Variants in EFL1 observed in about 807,000 individuals in gnomAD.
EFL1 encodes the protein elongation factor-like GTPase 1.
In EFL1, 76 loss-of-function variants were observed where a neutral mutation model predicts 126.7. That is an observed-to-expected ratio of 0.60 (90% CI 0.50 to 0.73). The LOEUF is 0.73. Among genes scored for constraint, EFL1 ranks in the 30% least tolerant of loss-of-function variants. The probability of loss-of-function intolerance (pLI) is 0.00; values close to 1 mark genes in which losing one functional copy is unlikely to be tolerated. For synonymous variants in EFL1, 410 were observed against 448.4 expected (o/e 0.91, Z 1.08); for missense variants, 1,128 against 1,343.2 (o/e 0.84, Z 2.50).
At chr15:82,138,575 G>A (rs1249974693) in intron 19 of EFL1, 83 bp downstream of exon 19, 3 of 1,506,728 alleles carry the variant, frequency 2.0e-6, no homozygotes, top group Non-Finnish European at 2.7e-6. Flanking sequence ...CATGATCTGT[G>A]TTGTTTGCTA....
chr15:82,228,729 A>C (rs1260771763), intron 9 of EFL1, among the ~76,000 whole-genome samples: 1 of 152,214 alleles, frequency 6.6e-6, no homozygotes, highest in Middle Eastern at 3.2e-3. Flanking sequence ...CACCTTTTCT[A>C]CTTTAATAAC....
chr15:82,251,074 C>A (rs139360587), intron 4 of EFL1, among the ~76,000 whole-genome samples: 2,732 of 152,030 alleles, frequency 0.018, 29 homozygotes, highest in Non-Finnish European at 0.026. Flanking sequence ...TAGCCGGGCA[C>A]GGTGGCATGC....
rs762724016 is a variant in EFL1, at chr15:82,151,613, T to A, written c.2841A>T (p.Glu947Asp). 1.7e-5 allele frequency: 28 copies of A among 1,614,028 alleles called. No individual in the cohort carries two copies. In the Admixed American group the frequency reaches 2.2e-4, roughly 12 times the overall value. Residue 947 changes from glutamate to aspartate, a missense_variant, in exon 18 of 20, where the codon GAA becomes GAT. This residue lies in a region of EFL1 where 561 missense variants were observed against 641.7 expected (regional missense o/e 0.87). Coordinates refer to ENST00000268206, the MANE Select transcript of EFL1 (RefSeq NM_024580.6). ...GTCCATAGCAGTCAGTGAGTGGAGATTCTCCTTTCTGTGATGTCCTCTTCT... is the reference window on the plus strand; with the variant it reads ...GTCCATAGCAGTCAGTGAGTGGAGAATCTCCTTTCTGTGATGTCCTCTTCT... ...AFEKRTSQKG[E>D]SPLTDCYGPF...
At chr15:82,181,988 G>A (rs370393388) in intron 15 of EFL1, among the ~76,000 whole-genome samples, 12 of 152,286 alleles carry the variant, frequency 7.9e-5, no homozygotes, top group African/African-American at 2.4e-4. Context: ...GGCTGGGCAC[G>A]GTGGCTCACG....
chr15:82,162,554 T>C (rs577381136), intron 16 of EFL1, among the ~76,000 whole-genome samples: 16 of 152,306 alleles, frequency 1.1e-4, no homozygotes, highest in South Asian at 4.1e-4. Flanking sequence ...GGCCAGGATC[T>C]GAACAAGCCT....
chr15:82,223,264 G>A (rs2074729999), intron 12 of EFL1, among the ~76,000 whole-genome samples: 1 of 150,158 alleles, frequency 6.7e-6, no homozygotes. Context: ...AAACTTAAAT[G>A]AAAAAAAAAA....
At chr15:82,150,344 GCCT>G (rs1171881937) in intron 18 of EFL1, among the ~76,000 whole-genome samples, 1 of 152,262 alleles carries the variant, frequency 6.6e-6, no homozygotes, top group East Asian at 1.9e-4. Context: ...GACTCAAAGG[GCCT>G]CAGGGTTAGA....
At chr15:82,189,868 C>T (rs928692504) in intron 15 of EFL1, among the ~76,000 whole-genome samples, 1 of 152,144 alleles carries the variant, frequency 6.6e-6, no homozygotes, top group Non-Finnish European at 1.5e-5. Flanking sequence ...GTAATCCCAG[C>T]ACTTTGGTAG....
chr15:82,241,530 G>T, intron 4 of EFL1, 127 bp from the exon 5 acceptor site: 1 of 1,180,416 alleles, frequency 8.5e-7, no homozygotes, highest in Non-Finnish European at 1.2e-6. Flanking sequence ...GGAGTTGAAA[G>T]CTCAATCCAG....
intron 15 of EFL1, among the ~76,000 whole-genome samples, chr15:82,211,595 G>GACACACACACACACACACAC (rs10543301): frequency 0.011 from 1,168 of 105,766 alleles, 78 homozygotes; most frequent in African/African-American, 0.043. Context: ...ACACATACTA[G>GACACACACACACACACACAC]ACACACACAC....
chr15:82,261,970 A>C (rs1356373851), intron 1 of EFL1, 173 bp from the exon 2 acceptor site: 1 of 553,422 alleles, frequency 1.8e-6, no homozygotes, highest in Non-Finnish European at 3.2e-6. Context: ...TTCGAGCACT[A>C]AAGTCAGTAT....
intron 18 of EFL1, among the ~76,000 whole-genome samples, chr15:82,149,399 T>A (rs2073884301): frequency 2.0e-5 from 3 of 152,096 alleles, no homozygotes; most frequent in South Asian, 4.1e-4. Context: ...TAACTTTGTT[T>A]TGAAAAAAAA....
chr15:82,247,919 T>A (rs2074988152), intron 4 of EFL1, among the ~76,000 whole-genome samples: 1 of 151,926 alleles, frequency 6.6e-6, no homozygotes, highest in African/African-American at 2.4e-5. Context: ...CAATCCCTAG[T>A]GGAAAGGAGA....
At chr15:82,216,832 C>T (rs2074652485) in intron 14 of EFL1, among the ~76,000 whole-genome samples, 1 of 152,124 alleles carries the variant, frequency 6.6e-6, no homozygotes, top group African/African-American at 2.4e-5. Context: ...AATTCGAGTA[C>T]ATTTACATTA....
At chr15:82,178,238 G>A (rs2074214830) in intron 15 of EFL1, among the ~76,000 whole-genome samples, 1 of 152,188 alleles carries the variant, frequency 6.6e-6, no homozygotes, top group Non-Finnish European at 1.5e-5. Flanking sequence ...AGGCTTCCCA[G>A]CCTATGACTA....
chr15:82,173,494 A>G (rs2074158770), intron 15 of EFL1, among the ~76,000 whole-genome samples: 1 of 152,198 alleles, frequency 6.6e-6, no homozygotes, highest in South Asian at 2.1e-4. Context: ...TTGAGTCTGG[A>G]TGGCAGGTAC....
intron 4 of EFL1, among the ~76,000 whole-genome samples, chr15:82,248,399 T>C (rs2074992431): frequency 6.6e-6 from 1 of 152,128 alleles, no homozygotes; most frequent in Admixed American, 6.5e-5. Context: ...GAATAAGAGA[T>C]GACTTTCTGC....
intron 15 of EFL1, among the ~76,000 whole-genome samples, chr15:82,212,059 T>C: frequency 6.6e-6 from 1 of 152,170 alleles, no homozygotes. Context: ...AAGTAAAAAA[T>C]GTCTACCTCA....
At chr15:82,210,755 G>A (rs1210596884) in intron 15 of EFL1, among the ~76,000 whole-genome samples, 2 of 151,700 alleles carry the variant, frequency 1.3e-5, no homozygotes, top group Non-Finnish European at 2.9e-5. Context: ...GCAGCTACTC[G>A]TGAGGCTGAA....
Sources: gnomAD v4.1 joint callset for allele counts (sites outside exome capture counted in the v4.1 genomes callset) on GRCh38, gnomAD v4.1.1 for gene constraint, gnomAD v4.1.1 regional missense constraint, MANE v1.5 for transcripts, NCBI Gene and HGNC (gene_info 2026-07-23, HGNC 2026-07-21) for gene names.